The following RERGL variants were observed in gnomAD, a reference collection of about 807,000 sequenced individuals.
RERGL encodes RERG like, also known as ras-related and estrogen-regulated growth inhibitor-like protein.
RERGL carries 22 observed loss-of-function variants against 24.7 expected under a neutral mutation model. That is an observed-to-expected ratio of 0.89 (90% CI 0.64 to 1.27). The LOEUF (loss-of-function observed/expected upper bound fraction) is 1.27, where lower values mean the gene tolerates loss of function less well. Ranked by LOEUF, RERGL falls within the 50% of genes most tolerant of loss-of-function variation. The pLI, the probability that RERGL is intolerant of heterozygous loss-of-function variation, is 0.00. For synonymous variants in RERGL, 76 were observed against 82.6 expected (o/e 0.92, Z 0.43); for missense variants, 259 against 235.3 (o/e 1.10, Z -0.66).
At position 18,085,624 on chromosome 12, in the gene RERGL, G is replaced by C. The variant is rs749035428; in HGVS notation, c.179C>G (p.Ser60Cys). 1 of 1,564,382 alleles carries C rather than the reference G, an allele frequency of 6.4e-7. No homozygotes were observed. The highest frequency in any genetic ancestry group is 1.8e-5 in the Admixed American group (1 of 56,878). Residue 60 changes from serine to cysteine, a missense_variant, in exon 3 of 5, where the codon TCT becomes TGT. Coordinates refer to ENST00000538724, the MANE Select transcript of RERGL (RefSeq NM_001286201.2). Reference protein sequence around the residue: ...QLNLEIYDPCSQTQKAKFSLT... With the variant: ...QLNLEIYDPCCQTQKAKFSLT... The stretch of plus-strand genomic sequence containing the variant: ...AAGGTGTTTTGTTTTACTTACTTGA[G>C]AACAAGGGTCATATATTTCTAGATT...
At position 18,085,690 on chromosome 12, in the gene RERGL, G is replaced by A; in HGVS notation, c.113C>T (p.Ser38Phe). 1 of 1,581,018 alleles carries A rather than the reference G, an allele frequency of 6.3e-7. No homozygotes were observed. The highest frequency in any genetic ancestry group is 1.7e-4 in the Middle Eastern group (1 of 5,986). The change falls in exon 3 of 5, where the codon TCT (serine) becomes TTT (phenylalanine). Residue 38 changes from serine to phenylalanine, a missense_variant. Physicochemically the swap from Ser to Phe is radical, Grantham distance 155. Coordinates refer to ENST00000538724, the MANE Select transcript of RERGL (RefSeq NM_001286201.2). ...CAAACACAAGTGCTTCTTATAGATA[G>A]ATTCTGCAAAAATATGCATATCCAC... is the stretch of plus-strand genomic sequence containing the variant. ...FIGEYASNFESIYKKHLCLER... is the reference protein window; with the variant it reads ...FIGEYASNFEFIYKKHLCLER...
At position 18,088,948 on chromosome 12, in the gene RERGL, C is replaced by G. The variant is rs142545141; in HGVS notation, c.61G>C (p.Val21Leu). 1.2e-6 allele frequency: 2 copies of G among 1,609,710 alleles called. No homozygotes were observed. Among genetic ancestry groups the G allele is most frequent in the Non-Finnish European group, 1.7e-6 (2 of 1,176,456 alleles). The change falls in exon 2 of 5, where the codon GTG becomes CTG. Residue 21 changes from valine (V) to leucine (L), a missense_variant. Physicochemically the swap from Val to Leu is conservative, Grantham distance 32. Coordinates refer to ENST00000538724, the MANE Select transcript of RERGL (RefSeq NM_001286201.2). ...GEGTGKSALT[V>L]RFLTKRFIGE... is the part of the protein sequence containing the mutation. The stretch of plus-strand genomic sequence containing the variant: ...ATGAATCGCTTAGTAAGAAACCTCA[C>G]TGTAAGGGCTGCAAAGCAAACAATC...
intron 2 of RERGL, among the ~76,000 whole-genome samples, chr12:18,086,024 A>ATTTTT (rs577015041): frequency 9.6e-5 from 12 of 125,082 alleles, no homozygotes; most frequent in African/African-American, 1.9e-4. Flanking sequence ...CGCCTGGCCA[A>ATTTTT]TTTTTTTTTT....
chr12:18,089,323 T>C (rs1947248768), intron 1 of RERGL: 1 of 1,565,376 alleles, frequency 6.4e-7, no homozygotes, highest in South Asian at 1.2e-5. Context: ...GGCTTCAAGG[T>C]ACTATGTGTA....
chr12:18,089,860 T>G (rs1349267176), intron 1 of RERGL, among the ~76,000 whole-genome samples: 1 of 152,086 alleles, frequency 6.6e-6, no homozygotes, highest in Non-Finnish European at 1.5e-5. Context: ...TTTCAGATAT[T>G]TATCTTGCTA....
chr12:18,083,566 A>G (rs986592064), intron 4 of RERGL, among the ~76,000 whole-genome samples: 2 of 152,144 alleles, frequency 1.3e-5, no homozygotes, highest in Non-Finnish European at 2.9e-5. Context: ...AATAATTAGA[A>G]AAATGAGCTC....
At chr12:18,087,086 T>G (rs999095903) in intron 2 of RERGL, among the ~76,000 whole-genome samples, 1 of 152,208 alleles carries the variant, frequency 6.6e-6, no homozygotes, top group Non-Finnish European at 1.5e-5. Context: ...CCATCTCCAT[T>G]GCTAACACTC....
In RERGL at chr12:18,089,167, G is replaced by C. The variant is rs1290158752; in HGVS notation, c.53-211C>G. The C allele has an allele frequency of 2.8e-6, 4 of 1,418,002 alleles. No individual in the cohort carries two copies. In the East Asian group the frequency reaches 9.2e-5, roughly 33 times the overall value. 87.8% of individuals were successfully genotyped at this position (1,418,002 alleles called of 1,614,324 possible). A position where few individuals can be genotyped will look rare whatever the true frequency, so the allele number is the denominator to read the frequency against. On this transcript the variant is annotated intron_variant, in intron 1 of 4. Transcript: ENST00000538724. ...AAGTTAGAAAGGAAGTGATCTTAAA[G>C]TGCTTCACATCTAAATCACTATGCA...
At position 18,085,639 on chromosome 12, in the gene RERGL, A is replaced by G; in HGVS notation, c.164T>C (p.Ile55Thr). 1 of 1,593,284 alleles carries G rather than the reference A, an allele frequency of 6.3e-7. No homozygotes were observed. The highest frequency in any genetic ancestry group is 1.7e-5 in the Admixed American group (1 of 58,358). Residue 55 changes from isoleucine (I) to threonine (T), a missense_variant, in exon 3 of 5, where the codon ATA becomes ACA. Coordinates refer to ENST00000538724, the MANE Select transcript of RERGL (RefSeq NM_001286201.2). ...ACTTACTTGAGAACAAGGGTCATAT[A>G]TTTCTAGATTTAGTTGTTTCCTTTC... ...CLERKQLNLE[I>T]YDPCSQTQKA...
Position 18,090,107 on chromosome 12 carries a change from C to T in RERGL, c.34G>A (p.Glu12Lys), listed in dbSNP as rs1446264343. 6.5e-7 allele frequency: 1 copy of T among 1,533,568 alleles called. No homozygotes were observed. The highest frequency in any genetic ancestry group is 2.0e-5 in the Admixed American group (1 of 50,556). The allele number at this position is 1,533,568 out of a possible 1,614,324, so 95.0% of individuals were successfully genotyped here. The change falls in exon 1 of 5, where the codon GAA (glutamate) becomes AAA (lysine). Residue 12 changes from glutamate (E) to lysine (K), a missense_variant. Coordinates refer to ENST00000538724, the MANE Select transcript of RERGL (RefSeq NM_001286201.2). ...CACTCACCAGATTTGCCTGTTCCTT[C>T]ACCACCCAAGACAGCAAGCTTCACA... The part of the protein sequence containing the change: ...NDVKLAVLGG[E>K]GTGKSALTVR...
intron 4 of RERGL, 149 bp from the exon 5 acceptor site, chr12:18,081,622 AGT>A: frequency 1.6e-6 from 1 of 640,618 alleles, no homozygotes; most frequent in Non-Finnish European, 2.5e-6. Context: ...GTGTGTATAC[AGT>A]TACACATAGC....
intron 4 of RERGL, 54 bp from the exon 5 acceptor site, chr12:18,081,527 T>TAAA (rs3054570): frequency 2.4e-4 from 258 of 1,094,052 alleles, no homozygotes; most frequent in East Asian, 8.4e-4. Context: ...CTCTTTTTTT[T>TAAA]AAAAAAAAAA....
intron 3 of RERGL, 41 bp from the exon 4 acceptor site, chr12:18,084,706 T>C (rs373704721): frequency 5.7e-6 from 9 of 1,568,788 alleles, no homozygotes; most frequent in Non-Finnish European, 7.8e-6. Flanking sequence ...TGGGATCTAA[T>C]ACCTGTGTTT....
At chr12:18,085,780 G>A (rs575601789) in intron 2 of RERGL, 87 bp from the exon 3 acceptor site, 14 of 693,532 alleles carry the variant, frequency 2.0e-5, no homozygotes, top group Non-Finnish European at 2.7e-5. Context: ...TAGTGGAATC[G>A]TATTGTGCTC....
intron 4 of RERGL, among the ~76,000 whole-genome samples, chr12:18,083,483 T>A (rs1947191730): frequency 6.6e-6 from 1 of 152,044 alleles, no homozygotes; most frequent in South Asian, 2.1e-4. Flanking sequence ...ATCAGTAATA[T>A]TATAGGAAGT....
chr12:18,088,395 C>G (rs1337132343), intron 2 of RERGL, among the ~76,000 whole-genome samples: 1 of 151,904 alleles, frequency 6.6e-6, no homozygotes, highest in Non-Finnish European at 1.5e-5. Context: ...CAAAATGCCC[C>G]AGCATGTGTT....
chr12:18,083,315 TC>T (rs1274905060), intron 4 of RERGL, among the ~76,000 whole-genome samples: 1 of 152,104 alleles, frequency 6.6e-6, no homozygotes, highest in Non-Finnish European at 1.5e-5. Context: ...CTGAAAAATG[TC>T]CAATACAAAT....
intron 3 of RERGL, 106 bp downstream of exon 3, chr12:18,085,514 G>A (rs934606138): frequency 1.2e-5 from 9 of 733,726 alleles, no homozygotes; most frequent in East Asian, 3.0e-5. Context: ...TTTTAACACC[G>A]CAACTTTTCA....
intron 2 of RERGL, 116 bp from the exon 3 acceptor site, chr12:18,085,809 C>T: frequency 1.8e-6 from 1 of 558,488 alleles, no homozygotes; most frequent in Non-Finnish European, 3.2e-6. Flanking sequence ...TTGCTGGTGA[C>T]TGAAAGCATG....
Sources: gnomAD v4.1 joint callset for allele counts (sites outside exome capture counted in the v4.1 genomes callset) on GRCh38, gnomAD v4.1.1 for gene constraint, MANE v1.5 for transcripts, NCBI Gene and HGNC (gene_info 2026-07-23, HGNC 2026-07-21) for gene names.